Variants in TENM2 observed in about 807,000 individuals in gnomAD.
TENM2 encodes the protein teneurin-2.
In TENM2, 52 loss-of-function variants were observed where a neutral mutation model predicts 245.2. The observed-to-expected ratio is 0.21, with a 90% CI of 0.17 to 0.27. The LOEUF is 0.27. Ranked by LOEUF, TENM2 falls within the 10% of genes least tolerant of loss-of-function variation. TENM2 has a pLI of 1.00. For synonymous variants in TENM2, 1,363 were observed against 1,438.9 expected (o/e 0.95, Z 1.19); for missense variants, 3,046 against 3,666.8 (o/e 0.83, Z 4.37).
chr5:167,709,049 T>G (rs1403080354), intron 2 of TENM2, among the ~76,000 whole-genome samples: 1 of 152,078 alleles, frequency 6.6e-6, no homozygotes, highest in Non-Finnish European at 1.5e-5. Context: ...TCCTACCTCA[T>G]AATGACTGTC....
At chr5:168,117,896 G>C (rs1045915264) in intron 9 of TENM2, among the ~76,000 whole-genome samples, 1 of 152,148 alleles carries the variant, frequency 6.6e-6, no homozygotes, top group Non-Finnish European at 1.5e-5. Context: ...CTTCAAAGTT[G>C]GGCCAACCTG....
intron 12 of TENM2, among the ~76,000 whole-genome samples, chr5:168,135,580 C>T (rs1754980069): frequency 6.6e-6 from 1 of 152,076 alleles, no homozygotes; most frequent in African/African-American, 2.4e-5. Flanking sequence ...TTGAACTTTT[C>T]CATTAATGGG....
intron 1 of TENM2, among the ~76,000 whole-genome samples, chr5:167,323,531 T>C (rs995262885): frequency 6.6e-6 from 1 of 152,182 alleles, no homozygotes; most frequent in African/African-American, 2.4e-5. Flanking sequence ...TTTTTTGTTA[T>C]ATTTTTTTCC....
At chr5:168,262,590 G>A in exon 29 of TENM2, 1 of 1,576,368 alleles carries the variant, frequency 6.3e-7, no homozygotes, top group Non-Finnish European at 8.6e-7. Flanking sequence ...GCGAGACAGA[G>A]GGCCCTGGGC....
intron 10 of TENM2, among the ~76,000 whole-genome samples, chr5:168,121,563 C>T (rs1016150295): frequency 4.6e-5 from 7 of 152,084 alleles, no homozygotes; most frequent in African/African-American, 1.4e-4. Context: ...CATTCTAGTA[C>T]CGGCGCTAAT....
chr5:167,983,645 A>C (rs1291077220), intron 4 of TENM2, among the ~76,000 whole-genome samples: 1 of 152,194 alleles, frequency 6.6e-6, no homozygotes. Context: ...TTTTGACTAC[A>C]CTAATTGGGT....
intron 2 of TENM2, among the ~76,000 whole-genome samples, chr5:167,675,922 C>T (rs951514905): frequency 1.8e-4 from 27 of 152,046 alleles, no homozygotes; most frequent in African/African-American, 6.3e-4. Flanking sequence ...GTACACTGCT[C>T]AGGTTGCTTG....
At chr5:168,109,978 G>C (rs531910044) in intron 9 of TENM2, among the ~76,000 whole-genome samples, 3 of 151,726 alleles carry the variant, frequency 2.0e-5, no homozygotes, top group South Asian at 4.2e-4. Flanking sequence ...AAATCACTTC[G>C]CGGGGCTTCA....
At chr5:168,183,990 A>G (rs1760166871) in intron 13 of TENM2, among the ~76,000 whole-genome samples, 1 of 152,140 alleles carries the variant, frequency 6.6e-6, no homozygotes, top group Non-Finnish European at 1.5e-5. Context: ...CACTTTGTCA[A>G]TTCACCTGGG....
chr5:167,293,892 C>G (rs1754798706), intron 1 of TENM2, among the ~76,000 whole-genome samples: 1 of 151,896 alleles, frequency 6.6e-6, no homozygotes, highest in African/African-American at 2.4e-5. Context: ...GCTGCATCTG[C>G]CCCTTCTCTG....
intron 3 of TENM2, 51 bp downstream of exon 5, chr5:167,876,246 C>G (rs1773416934): frequency 1.4e-6 from 2 of 1,415,808 alleles, no homozygotes; most frequent in Admixed American, 3.9e-5. Context: ...GAGTGACATT[C>G]TTGATTCTCC....
chr5:167,906,511 C>G (rs996713718), intron 3 of TENM2, among the ~76,000 whole-genome samples: 2 of 152,192 alleles, frequency 1.3e-5, no homozygotes, highest in African/African-American at 4.8e-5. Context: ...TCAATTTCTT[C>G]TTTGACAAAA....
intron 2 of TENM2, among the ~76,000 whole-genome samples, chr5:167,479,192 TATC>T (rs1302318332): frequency 6.6e-6 from 1 of 152,190 alleles, no homozygotes; most frequent in Non-Finnish European, 1.5e-5. Flanking sequence ...ACCTCTGAGT[TATC>T]ATGGTTTTTT....
At chr5:167,652,012 G>A (rs538851519) in intron 2 of TENM2, among the ~76,000 whole-genome samples, 2 of 152,248 alleles carry the variant, frequency 1.3e-5, no homozygotes, top group South Asian at 4.2e-4. Flanking sequence ...TTCTACAGCT[G>A]TGACATGGAC....
the TENM2 span, among the ~76,000 whole-genome samples, chr5:167,133,068 T>C: frequency 6.6e-6 from 1 of 152,078 alleles, no homozygotes. Context: ...ACGTGTGGCC[T>C]AGGAGCCACT....
chr5:167,396,951 G>A (rs1762086589), intron 2 of TENM2, among the ~76,000 whole-genome samples: 1 of 152,094 alleles, frequency 6.6e-6, no homozygotes, highest in Non-Finnish European at 1.5e-5. Flanking sequence ...CAGTCCTGGT[G>A]GAGAGTTTCA....
chr5:167,107,091 C>CAA, the TENM2 span, among the ~76,000 whole-genome samples: 80 of 68,894 alleles, frequency 1.2e-3, no homozygotes, highest in African/African-American at 2.4e-3. Flanking sequence ...CTAAAAAATA[C>CAA]AAAAAAAAAA....
intron 24 of TENM2, among the ~76,000 whole-genome samples, chr5:168,227,344 C>A (rs1764295490): frequency 6.6e-6 from 1 of 152,114 alleles, no homozygotes; most frequent in Non-Finnish European, 1.5e-5. Context: ...GGGGTGGTAT[C>A]AGGTGCAGTC....
intron 2 of TENM2, among the ~76,000 whole-genome samples, chr5:167,771,313 T>C: frequency 6.6e-6 from 1 of 152,192 alleles, no homozygotes; most frequent in Non-Finnish European, 1.5e-5. Context: ...CAGCAGAGGA[T>C]GTTGGAATAA....
Sources: allele counts gnomAD v4.1 joint callset (sites outside exome capture counted in the v4.1 genomes callset), GRCh38; gene constraint gnomAD v4.1.1; transcripts MANE v1.5; gene names NCBI Gene and HGNC (gene_info 2026-07-23, HGNC 2026-07-21).